Variants in TMEM165 observed in about 807,000 individuals in gnomAD.
TMEM165 encodes the protein transmembrane protein 165.
TMEM165 carries 19 observed loss-of-function variants against 30.0 expected under a neutral mutation model. The ratio of observed to expected loss-of-function variants is 0.63; its 90% CI spans 0.44 to 0.93. TMEM165 has a LOEUF of 0.93. Ranked by LOEUF, TMEM165 falls within the 40% of genes least tolerant of loss-of-function variation. TMEM165 has a pLI of 0.00. For missense variants in TMEM165, 340 were observed against 417.0 expected (o/e 0.82, Z 1.61); for synonymous variants, 168 against 162.9 (o/e 1.03, Z -0.24).
downstream of TMEM165, among the ~76,000 whole-genome samples, chr4:55,426,385 C>T (rs1722201268): frequency 1.3e-5 from 2 of 152,150 alleles, no homozygotes; most frequent in East Asian, 1.9e-4. Flanking sequence ...ACTAACTCAC[C>T]CAAGGTTACA....
Position 55,424,525 on chromosome 4 carries a change from C to T in TMEM165, c.793-13C>T, listed in dbSNP as rs531975275. On this transcript the variant is annotated splice_polypyrimidine_tract_variant and intron_variant, in intron 4 of 5. Transcript: ENST00000381334. ...CCTTGGTTTTGAATTAATGCTGTGACGCTTGCTTCCAGGACCCCTATGGTG... is the reference window on the plus strand; with the variant it reads ...CCTTGGTTTTGAATTAATGCTGTGATGCTTGCTTCCAGGACCCCTATGGTG... 8.3e-6 allele frequency: 13 copies of T among 1,566,900 alleles called. No homozygotes were observed. The highest frequency in any genetic ancestry group is 6.7e-5 in the Admixed American group (4 of 59,582).
chr4:55,424,935 A>AAT (rs1722129147), intron 5 of TMEM165: 1 of 394,198 alleles, frequency 2.5e-6, no homozygotes, highest in Non-Finnish European at 4.6e-6. Flanking sequence ...TTGGCTCTAA[A>AAT]AATGTGTCTT....
chr4:55,403,492 C>CTTTTTTTT (rs71664292), intron 1 of TMEM165, among the ~76,000 whole-genome samples: 101 of 123,916 alleles, frequency 8.2e-4, no homozygotes, highest in East Asian at 1.5e-3. Flanking sequence ...GTGCCTTTTT[C>CTTTTTTTT]TTTTTCTTTT....
chr4:55,451,572 G>A (rs958698783), intron 3 of TMEM165, among the ~76,000 whole-genome samples: 6 of 152,196 alleles, frequency 3.9e-5, no homozygotes, highest in Admixed American at 3.9e-4. Flanking sequence ...GGATCATGAT[G>A]CTGGCAGTAA....
intron 1 of TMEM165, among the ~76,000 whole-genome samples, chr4:55,398,704 T>G (rs1720829987): frequency 6.6e-6 from 1 of 152,200 alleles, no homozygotes. Context: ...TTTAGGTGTC[T>G]TGAGAGCATG....
At chr4:55,427,320 G>A (rs894104595), downstream of TMEM165, among the ~76,000 whole-genome samples, 56 of 151,526 alleles carry the variant, frequency 3.7e-4, no homozygotes, top group African/African-American at 1.1e-3. Flanking sequence ...ACAGGCGTGA[G>A]CCACCATGCT....
chr4:55,407,905 C>G (rs1487590548), intron 1 of TMEM165, among the ~76,000 whole-genome samples: 1 of 152,076 alleles, frequency 6.6e-6, no homozygotes, highest in East Asian at 1.9e-4. Flanking sequence ...ATAGGTAGCC[C>G]TTATGTTACA....
intron 2 of TMEM165, chr4:55,412,137 G>A (rs1190865742): frequency 9.9e-6 from 4 of 402,136 alleles, no homozygotes; most frequent in African/African-American, 2.1e-5. Flanking sequence ...ACTCACGCCT[G>A]TAATCCCAGC....
chr4:55,396,418 G>T (rs1228528168), intron 1 of TMEM165, 22 bp downstream of exon 1: 2 of 1,430,404 alleles, frequency 1.4e-6, no homozygotes, highest in Non-Finnish European at 9.1e-7. Flanking sequence ...GGGATGGGGC[G>T]AGCGAGGCTG....
intron 1 of TMEM165, among the ~76,000 whole-genome samples, chr4:55,401,425 G>A (rs1720990184): frequency 6.6e-6 from 1 of 150,624 alleles, no homozygotes; most frequent in Non-Finnish European, 1.5e-5. Flanking sequence ...AGATCAGATA[G>A]ATTTAATAAA....
At chr4:55,416,084 G>T (rs1306636919) in intron 2 of TMEM165, 1 of 152,042 alleles carries the variant, frequency 6.6e-6, no homozygotes, top group Admixed American at 6.6e-5. Context: ...CAAGCTCCTG[G>T]GCTCAAGTAA....
intron 3 of TMEM165, 117 bp downstream of exon 3, chr4:55,417,364 T>G (rs1448231413): frequency 2.9e-6 from 3 of 1,030,786 alleles, no homozygotes; most frequent in Non-Finnish European, 4.1e-6. Context: ...AAAAATAGCT[T>G]CTTTTGCTTT....
At position 55,416,880 on chromosome 4, in the gene TMEM165, T is replaced by C. The variant is rs916297574; in HGVS notation, c.434-192T>C. 9 of 479,000 alleles carry C rather than the reference T, an allele frequency of 1.9e-5. 1 individual carries two copies. Among genetic ancestry groups the C allele is most frequent in the Non-Finnish European group, 3.3e-5 (9 of 275,624 alleles). The allele number at this position is 479,000 out of a possible 1,614,324, so 29.7% of individuals were successfully genotyped here. ...GCTTCTGAGTAAGCTGTGTTAGGCC[T>C]GGGCTAGACCTAATGGTTTATTATT... On this transcript the variant is annotated intron_variant, in intron 2 of 5. Transcript: ENST00000381334.
At chr4:55,444,761 C>T (rs1723656989) in intron 3 of TMEM165, 1 of 1,613,892 alleles carries the variant, frequency 6.2e-7, no homozygotes, top group African/African-American at 1.3e-5. Flanking sequence ...TGTTGCATGG[C>T]TCCTAATTGA....
At chr4:55,418,236 A>G in intron 4 of TMEM165, 1 of 372,644 alleles carries the variant, frequency 2.7e-6, no homozygotes, top group Non-Finnish European at 4.7e-6. Flanking sequence ...TGCCAAAATG[A>G]TGCCGTGGTA....
rs772354488 is a variant in TMEM165, at chr4:55,435,514, A to G, written c.408+10871A>G. The G allele has an allele frequency of 9.3e-6, 15 of 1,613,948 alleles. No homozygotes were observed. The African/African-American group carries it at 2.0e-4, about 22-fold the overall frequency. ...ACTGATGTTGCTGGTGATGTGACTG[A>G]GGGAAGGTGCTCTGTTGTAGAGGAA... is the stretch of plus-strand genomic sequence containing the variant. On this transcript the variant is annotated intron_variant, in intron 3 of 3. Coordinates refer to the TMEM165 transcript ENST00000608091.
chr4:55,448,598 G>A (rs562128522), intron 3 of TMEM165, among the ~76,000 whole-genome samples: 2 of 74,012 alleles, frequency 2.7e-5, no homozygotes, highest in East Asian at 5.4e-4. Context: ...GCGCGCACGC[G>A]CGCGTGTGTG....
At chr4:55,444,109 G>C (rs1156640977) in intron 3 of TMEM165, among the ~76,000 whole-genome samples, 2 of 152,160 alleles carry the variant, frequency 1.3e-5, no homozygotes, top group Non-Finnish European at 2.9e-5. Flanking sequence ...GTTAGAAAAA[G>C]TGTAACTAGT....
At chr4:55,398,669 C>T (rs994362860) in intron 1 of TMEM165, among the ~76,000 whole-genome samples, 3 of 152,052 alleles carry the variant, frequency 2.0e-5, no homozygotes, top group East Asian at 3.9e-4. Context: ...AAGTTGTGTG[C>T]GTGTTTTATC....
Sources: gnomAD v4.1 joint callset for allele counts (sites outside exome capture counted in the v4.1 genomes callset) on GRCh38, gnomAD v4.1.1 for gene constraint, MANE v1.5 for transcripts, NCBI Gene and HGNC (gene_info 2026-07-23, HGNC 2026-07-21) for gene names.